Variants in PIK3CB observed in about 807,000 individuals in gnomAD.
PIK3CB encodes the protein phosphatidylinositol-4,5-bisphosphate 3-kinase catalytic subunit beta, also known as phosphatidylinositol 4,5-bisphosphate 3-kinase catalytic subunit beta isoform.
A neutral mutation model predicts 136.8 loss-of-function variants in PIK3CB; 39 were observed. That is an observed-to-expected ratio of 0.29 (90% CI 0.22 to 0.37). The LOEUF (loss-of-function observed/expected upper bound fraction) is 0.37. PIK3CB is among the 10% of genes least tolerant of loss of function. The pLI is 1.00. For synonymous variants in PIK3CB, 428 were observed against 436.6 expected (o/e 0.98, Z 0.25); for missense variants, 868 against 1,275.4 (o/e 0.68, Z 4.87).
intron 2 of PIK3CB, among the ~76,000 whole-genome samples, chr3:138,783,903 TC>T (rs1464035587): frequency 1.3e-5 from 2 of 152,150 alleles, no homozygotes; most frequent in African/African-American, 2.4e-5. Context: ...ATAATTAGTT[TC>T]CCAAAAGCCC....
intron 5 of PIK3CB, among the ~76,000 whole-genome samples, chr3:138,739,409 C>T (rs2045188554): frequency 6.6e-6 from 1 of 151,542 alleles, no homozygotes; most frequent in Non-Finnish European, 1.5e-5. Flanking sequence ...TGTCACTGCA[C>T]TCCAGCCTGG....
intron 8 of PIK3CB, among the ~76,000 whole-genome samples, chr3:138,717,130 T>G (rs1176211485): frequency 1.3e-5 from 2 of 151,278 alleles, no homozygotes; most frequent in Non-Finnish European, 2.9e-5. Flanking sequence ...GGCACACGCC[T>G]GCAGTCCCAG....
chr3:138,758,364 C>G (rs908431670), intron 3 of PIK3CB, among the ~76,000 whole-genome samples: 1 of 152,094 alleles, frequency 6.6e-6, no homozygotes, highest in Non-Finnish European at 1.5e-5. Flanking sequence ...CTAAAAATGT[C>G]TAAATAGTAA....
chr3:138,825,209 C>T (rs1374107082), intron 1 of PIK3CB: 3 of 324,342 alleles, frequency 9.2e-6, no homozygotes, highest in Non-Finnish European at 1.8e-5. Context: ...ATTACGTGAC[C>T]ATCACTGATG....
rs549635648 is a variant in PIK3CB at position 138,663,855 on chromosome 3, A to G, written c.2796+51T>C. On this transcript the variant is annotated intron_variant, in intron 21 of 23. Coordinates refer to ENST00000674063, the MANE Select transcript of PIK3CB (RefSeq NM_006219.3). Reference sequence around the variant, plus strand: ...AGTTGCACAAGAGATTATGCTATACATAAGAAATAGCATTACTAAGGCCCT... The same window carrying G: ...AGTTGCACAAGAGATTATGCTATACGTAAGAAATAGCATTACTAAGGCCCT... 6.4e-6 allele frequency: 10 copies of G among 1,571,468 alleles called. No homozygotes were observed. In the African/African-American group the frequency reaches 8.2e-5, roughly 13 times the overall value.
intron 1 of PIK3CB, among the ~76,000 whole-genome samples, chr3:138,818,345 A>G (rs1933421291): frequency 6.6e-6 from 1 of 152,190 alleles, no homozygotes; most frequent in Non-Finnish European, 1.5e-5. Flanking sequence ...TCAGGCAGAA[A>G]CAAAGAACTG....
At chr3:138,683,351 C>CA (rs1011302197) in intron 18 of PIK3CB, among the ~76,000 whole-genome samples, 5,685 of 64,860 alleles carry the variant, frequency 0.088, 399 homozygotes, top group African/African-American at 0.25. Flanking sequence ...GACCCTGTCT[C>CA]AAAAAAAAAA....
chr3:138,702,508 T>G (rs148304768), intron 12 of PIK3CB, among the ~76,000 whole-genome samples: 1 of 152,286 alleles, frequency 6.6e-6, no homozygotes, highest in East Asian at 1.9e-4. Flanking sequence ...AAGTTTATGG[T>G]GGAAATAGTA....
intron 12 of PIK3CB, among the ~76,000 whole-genome samples, chr3:138,703,008 A>G (rs1186189815): frequency 6.6e-6 from 1 of 152,166 alleles, no homozygotes; most frequent in Non-Finnish European, 1.5e-5. Flanking sequence ...AATGTTTACA[A>G]ATTAAATTAT....
At position 138,694,878 on chromosome 3, in the gene PIK3CB, T is replaced by A. The variant is rs2044102881; in HGVS notation, c.1800A>T (p.Lys600Asn). The change falls in exon 14 of 24, where the codon AAA becomes AAT. Residue 600 changes from lysine (K) to asparagine (N), a missense_variant. By Grantham distance (94) the Lys-to-Asn change is moderately conservative (BLOSUM62 0). Around this residue, in one of 4 missense-constraint regions of PIK3CB, gnomAD observed 612 missense variants for 801.1 expected, o/e 0.76. Transcript: ENST00000674063. Reference protein sequence around the residue: ...QLQALLQIWPKLPPREALELL... With the variant: ...QLQALLQIWPNLPPREALELL... ...GCTCTAGGGCCTCCCGGGGGGGCAG[T>A]TTAGGCCAAATCTGAAGCAGCGCCT... 1 of 1,609,790 alleles carries A rather than the reference T, an allele frequency of 6.2e-7. No homozygotes were observed. Among genetic ancestry groups the A allele is most frequent in the Non-Finnish European group, 8.5e-7 (1 of 1,178,256 alleles).
chr3:138,789,790 G>C (rs2046027925), intron 2 of PIK3CB, among the ~76,000 whole-genome samples: 1 of 151,912 alleles, frequency 6.6e-6, no homozygotes, highest in Admixed American at 6.6e-5. Context: ...CTGGACTCAG[G>C]GGTGATTATC....
intron 1 of PIK3CB, among the ~76,000 whole-genome samples, chr3:138,814,239 A>T (rs151044256): frequency 4.1e-4 from 63 of 152,262 alleles, no homozygotes; most frequent in African/African-American, 1.5e-3. Context: ...GAGCTTTGGG[A>T]GGCCCAGGCG....
intron 21 of PIK3CB, among the ~76,000 whole-genome samples, chr3:138,658,173 T>C (rs1438741473): frequency 6.6e-6 from 1 of 152,108 alleles, no homozygotes; most frequent in Non-Finnish European, 1.5e-5. Flanking sequence ...TACAGGTTGG[T>C]TGTGGTGGCT....
At chr3:138,685,786 G>A (rs2043878123) in intron 16 of PIK3CB, among the ~76,000 whole-genome samples, 1 of 151,872 alleles carries the variant, frequency 6.6e-6, no homozygotes, top group Admixed American at 6.6e-5. Context: ...AAAAACTTAT[G>A]CAAGTAGTAC....
intron 19 of PIK3CB, among the ~76,000 whole-genome samples, chr3:138,679,773 A>ATTATTATT (rs1330046310): frequency 6.7e-6 from 1 of 148,310 alleles, no homozygotes; most frequent in Non-Finnish European, 1.5e-5. Context: ...TATTATTATT[A>ATTATTATT]TTATTGTAGA....
chr3:138,781,908 C>A (rs769419500), intron 2 of PIK3CB, among the ~76,000 whole-genome samples: 1 of 152,074 alleles, frequency 6.6e-6, no homozygotes, highest in Non-Finnish European at 1.5e-5. Flanking sequence ...GGTGAAAGAG[C>A]GAGACACTGT....
chr3:138,820,199 C>T (rs1037595154), intron 1 of PIK3CB, among the ~76,000 whole-genome samples: 2 of 152,140 alleles, frequency 1.3e-5, no homozygotes, highest in African/African-American at 4.8e-5. Flanking sequence ...ATATATCCCC[C>T]AATAATTGTA....
chr3:138,713,409 C>T (rs1031003374), intron 9 of PIK3CB, among the ~76,000 whole-genome samples: 3 of 151,988 alleles, frequency 2.0e-5, no homozygotes, highest in Non-Finnish European at 2.9e-5. Context: ...ACGGTGGCCA[C>T]GCCTGTAATC....
chr3:138,708,041 G>A (rs2044414131), intron 10 of PIK3CB, among the ~76,000 whole-genome samples: 1 of 151,898 alleles, frequency 6.6e-6, no homozygotes. Flanking sequence ...TCTCTCCAAA[G>A]TAATTTTTCT....
Sources: gnomAD v4.1 joint callset for allele counts (sites outside exome capture counted in the v4.1 genomes callset) on GRCh38, gnomAD v4.1.1 for gene constraint, gnomAD v4.1.1 regional missense constraint, MANE v1.5 for transcripts, NCBI Gene and HGNC (gene_info 2026-07-23, HGNC 2026-07-21) for gene names.